DYDC1: variants seen among roughly 807,000 people sequenced by gnomAD.
DYDC1 encodes the protein DPY30 domain-containing protein 1.
In DYDC1, 21 loss-of-function variants were observed where a neutral mutation model predicts 27.9. The ratio of observed to expected loss-of-function variants is 0.75; its 90% CI spans 0.53 to 1.08. DYDC1 has a LOEUF of 1.08. DYDC1 is among the 50% of genes least tolerant of loss of function. The pLI is 0.00. For synonymous variants in DYDC1, 67 were observed against 65.8 expected (o/e 1.02, Z -0.09); for missense variants, 202 against 205.9 (o/e 0.98, Z 0.12).
intron 4 of DYDC1, among the ~76,000 whole-genome samples, chr10:80,341,895 G>A (rs771187474): frequency 1.3e-5 from 2 of 151,960 alleles, no homozygotes; most frequent in African/African-American, 2.4e-5. Context: ...GTGGTGGTGC[G>A]TGCCTGTAAT....
In DYDC1 at chr10:80,346,778, A is replaced by C. The variant is rs1262671120; in HGVS notation, c.250-4417T>G. ...CCCGGCCATGTCTCTTCCCTTTCTG[A>C]TAACAGCCATCTTAGGCTGGTCACG... On this transcript the variant is annotated intron_variant, in intron 3 of 6. Coordinates refer to ENST00000372202, the MANE Select transcript of DYDC1 (RefSeq NM_001269053.2). 2.0e-5 allele frequency among the ~76,000 whole-genome samples: 3 copies of C among 151,918 alleles called. No individual in the cohort carries two copies. In the East Asian group the frequency reaches 5.8e-4, roughly 30 times the overall value.
chr10:80,343,209 C>T (rs536659492), intron 3 of DYDC1, among the ~76,000 whole-genome samples: 15 of 152,178 alleles, frequency 9.9e-5, no homozygotes, highest in East Asian at 1.9e-4. Flanking sequence ...TATTTCATGA[C>T]ATAGGAAAAC....
chr10:80,342,032 A>C (rs1842342900), intron 4 of DYDC1, among the ~76,000 whole-genome samples: 1 of 152,006 alleles, frequency 6.6e-6, no homozygotes, highest in African/African-American at 2.4e-5. Flanking sequence ...CTCAAAAAAA[A>C]AAAAAAAAAA....
chr10:80,350,225 C>T (rs979238168), intron 3 of DYDC1, among the ~76,000 whole-genome samples: 8 of 152,180 alleles, frequency 5.3e-5, no homozygotes, highest in Admixed American at 3.9e-4. Flanking sequence ...TTAGTTCATA[C>T]CGGTCAACAT....
At chr10:80,337,322 GCCAAATCATAGCTGA>G (rs1842166299) in intron 6 of DYDC1, 1 of 985,330 alleles carries the variant, frequency 1.0e-6, no homozygotes, top group African/African-American at 1.7e-5. Context: ...CCTGCATAGT[GCCAAATCATAGCTGA>G]CCTTTAATAA....
chr10:80,341,278 C>G (rs1589499372), intron 4 of DYDC1, among the ~76,000 whole-genome samples: 2 of 151,336 alleles, frequency 1.3e-5, no homozygotes, highest in East Asian at 3.9e-4. Flanking sequence ...CCCATCTCTA[C>G]TAAAAATACA....
At position 80,339,152 on chromosome 10, in the gene DYDC1, T is replaced by G; in HGVS notation, c.344A>C (p.Glu115Ala). 1 of 1,199,850 alleles carries G rather than the reference T, an allele frequency of 8.3e-7. No homozygotes were observed. Among genetic ancestry groups the G allele is most frequent in the East Asian group, 2.8e-5 (1 of 35,338 alleles). The allele number at this position is 1,199,850 out of a possible 1,614,324, so 74.3% of individuals were successfully genotyped here. ...TAGATTTTCCATATTCATTCTCATC[T>G]CCTATAATATATAAAAATTAAGAAA... ...LQRAQEQLGKEMRMNMENLVR... is the reference protein window; with the variant it reads ...LQRAQEQLGKAMRMNMENLVR... Residue 115 changes from glutamate (E) to alanine (A), a missense_variant and splice_region_variant, in exon 5 of 7, where the codon GAG (glutamate) becomes GCG (alanine). By Grantham distance (107) the Glu-to-Ala change is moderately radical. Coordinates refer to ENST00000372202, the MANE Select transcript of DYDC1 (RefSeq NM_001269053.2).
chr10:80,341,612 T>A (rs1276020598), intron 4 of DYDC1, among the ~76,000 whole-genome samples: 1 of 151,988 alleles, frequency 6.6e-6, no homozygotes, highest in Non-Finnish European at 1.5e-5. Flanking sequence ...ATATTCAACA[T>A]CAGCTACTGT....
At chr10:80,356,535 G>A (rs1843378505) in intron 1 of DYDC1, 177 bp downstream of exon 1, 1 of 985,520 alleles carries the variant, frequency 1.0e-6, no homozygotes, top group Non-Finnish European at 1.2e-6. Context: ...CTCAGGGGGA[G>A]CAGGAGGACA....
chr10:80,345,602 C>G (rs1842567057), intron 3 of DYDC1, among the ~76,000 whole-genome samples: 1 of 152,142 alleles, frequency 6.6e-6, no homozygotes, highest in Non-Finnish European at 1.5e-5. Context: ...CCCACTCCAC[C>G]TCTTGGTAAC....
intron 6 of DYDC1, chr10:80,337,025 T>A (rs920683285): frequency 1.5e-6 from 1 of 689,330 alleles, no homozygotes; most frequent in African/African-American, 2.0e-5. Context: ...CAAGACCCAG[T>A]GTGCTCTGCC....
Position 80,345,828 on chromosome 10 carries a change from G to GAT in DYDC1, c.250-3469_250-3468dup, listed in dbSNP as rs202191676. Among the ~76,000 whole-genome samples, 555 of 151,964 alleles carry GAT rather than the reference G, an allele frequency of 3.7e-3. 4 individuals carry two copies. Among genetic ancestry groups the GAT allele is most frequent in the African/African-American group, 0.013 (526 of 41,426 alleles). On this transcript the variant is annotated intron_variant, in intron 3 of 6. Transcript: ENST00000372202. Reference sequence around the variant, plus strand: ...ACATATATGTGATACATATATGTGAGATATATATATACAAGATATACATGA... The same window carrying GAT: ...ACATATATGTGATACATATATGTGAGATATATATATATACAAGATATACATGA...
At chr10:80,350,226 C>T (rs1433643823) in intron 3 of DYDC1, among the ~76,000 whole-genome samples, 2 of 152,150 alleles carry the variant, frequency 1.3e-5, no homozygotes, top group Admixed American at 1.3e-4. Flanking sequence ...TAGTTCATAC[C>T]GGTCAACATA....
intron 1 of DYDC1, chr10:80,356,348 C>A: frequency 1.0e-6 from 1 of 985,866 alleles, no homozygotes; most frequent in Non-Finnish European, 1.2e-6. Flanking sequence ...AAGGAGATTC[C>A]TTACCCACAC....
In DYDC1 at chr10:80,338,460, T is replaced by C; in HGVS notation, c.504+7A>G. 3.1e-6 allele frequency: 5 copies of C among 1,612,282 alleles called. No individual in the cohort carries two copies. The highest frequency in any genetic ancestry group is 4.2e-6 in the Non-Finnish European group (5 of 1,179,370). On this transcript the variant is annotated splice_region_variant and intron_variant, in intron 6 of 6. Transcript: ENST00000372202. ...CGAGTTTTTTCACAAAACACACTGA[T>C]ACTGACATCAGAAAACATTGGTTCA...
intron 3 of DYDC1, among the ~76,000 whole-genome samples, chr10:80,347,754 G>GTT (rs924710249): frequency 6.6e-6 from 1 of 152,126 alleles, no homozygotes; most frequent in Non-Finnish European, 1.5e-5. Flanking sequence ...TCAAAAATTA[G>GTT]TTGACCGTAT....
intron 4 of DYDC1, among the ~76,000 whole-genome samples, chr10:80,342,019 C>T (rs1421627695): frequency 2.3e-5 from 2 of 85,798 alleles, no homozygotes; most frequent in Non-Finnish European, 4.2e-5. Flanking sequence ...AATGAGACTC[C>T]GTCTCAAAAA....
downstream of DYDC1, chr10:80,336,103 G>A: frequency 1.6e-6 from 2 of 1,222,600 alleles, no homozygotes; most frequent in Non-Finnish European, 2.4e-6. Context: ...GGAACCTCAT[G>A]GTTTGAAATT....
chr10:80,351,092 T>C (rs1429225683), intron 3 of DYDC1, among the ~76,000 whole-genome samples: 1 of 152,116 alleles, frequency 6.6e-6, no homozygotes, highest in Non-Finnish European at 1.5e-5. Flanking sequence ...TCTCTTCCAT[T>C]CTCCAAAGCT....
Sources: gnomAD v4.1 joint callset for allele counts (sites outside exome capture counted in the v4.1 genomes callset) on GRCh38, gnomAD v4.1.1 for gene constraint, MANE v1.5 for transcripts, NCBI Gene and HGNC (gene_info 2026-07-23, HGNC 2026-07-21) for gene names.